Variants in BMPR2 observed in about 807,000 individuals in gnomAD.
The protein encoded by BMPR2 is bone morphogenetic protein receptor type 2, also known as bone morphogenetic protein receptor type-2.
In BMPR2, 29 loss-of-function variants were observed where a neutral mutation model predicts 100.8. That is an observed-to-expected ratio of 0.29 (90% CI 0.21 to 0.39). The LOEUF is 0.39. BMPR2 is among the 10% of genes least tolerant of loss of function. BMPR2 has a pLI of 1.00. For missense variants in BMPR2, 1,011 were observed against 1,274.5 expected (o/e 0.79, Z 3.15); for synonymous variants, 382 against 442.3 (o/e 0.86, Z 1.71).
chr2:202,470,926 G>T (rs1344694632), intron 3 of BMPR2, among the ~76,000 whole-genome samples: 1 of 152,106 alleles, frequency 6.6e-6, no homozygotes, highest in Non-Finnish European at 1.5e-5. Context: ...GCCAGGTGTG[G>T]CACACGCCTG....
At chr2:202,450,457 C>G (rs183628891) in intron 1 of BMPR2, among the ~76,000 whole-genome samples, 6 of 151,902 alleles carry the variant, frequency 3.9e-5, no homozygotes, top group Non-Finnish European at 8.8e-5. Flanking sequence ...TTTGGGAGGC[C>G]GAGGCAGGTG....
At chr2:202,382,435 C>A (rs528457399) in intron 1 of BMPR2, among the ~76,000 whole-genome samples, 37 of 152,248 alleles carry the variant, frequency 2.4e-4, no homozygotes, top group African/African-American at 7.2e-4. Context: ...AGCTGATCCA[C>A]CCACCTTGGC....
chr2:202,475,935 G>A (rs992397574), intron 3 of BMPR2, among the ~76,000 whole-genome samples: 8 of 151,982 alleles, frequency 5.3e-5, no homozygotes, highest in Admixed American at 2.6e-4. Flanking sequence ...TTAGCCGGGC[G>A]TGGTGGCACA....
intron 1 of BMPR2, among the ~76,000 whole-genome samples, chr2:202,394,531 A>G (rs2105905810): frequency 6.6e-6 from 1 of 152,266 alleles, no homozygotes; most frequent in Non-Finnish European, 1.5e-5. Context: ...AGTGAAATGC[A>G]GTGTTTTTAC....
chr2:202,476,030 C>T (rs904530831), intron 3 of BMPR2, among the ~76,000 whole-genome samples: 4 of 140,834 alleles, frequency 2.8e-5, no homozygotes, highest in Admixed American at 2.3e-4. Flanking sequence ...GCCAAGATTG[C>T]AGCATTGCAC....
intron 1 of BMPR2, among the ~76,000 whole-genome samples, chr2:202,421,236 G>A (rs545633633): frequency 5.1e-4 from 77 of 149,858 alleles, no homozygotes; most frequent in South Asian, 6.3e-4. Flanking sequence ...GGGCGACAGA[G>A]TGAGACTTCA....
At chr2:202,477,166 G>T (rs569986470) in intron 3 of BMPR2, among the ~76,000 whole-genome samples, 67 of 152,266 alleles carry the variant, frequency 4.4e-4, no homozygotes, top group African/African-American at 1.5e-3. Flanking sequence ...TCCAATTTAT[G>T]TGGGTGTTTA....
At chr2:202,542,942 C>T (rs1208203830) in intron 10 of BMPR2, among the ~76,000 whole-genome samples, 3 of 151,652 alleles carry the variant, frequency 2.0e-5, no homozygotes, top group Non-Finnish European at 4.4e-5. Context: ...TTTGGGAGGC[C>T]GAGGCGGGCA....
chr2:202,409,776 A>G (rs1035945819), intron 1 of BMPR2, among the ~76,000 whole-genome samples: 2 of 152,226 alleles, frequency 1.3e-5, no homozygotes, highest in Admixed American at 1.3e-4. Flanking sequence ...AAAAAGAATT[A>G]TATGCAAATA....
intron 8 of BMPR2, 77 bp downstream of exon 8, chr2:202,531,031 G>A (rs1688014862): frequency 6.4e-7 from 1 of 1,553,690 alleles, no homozygotes; most frequent in Non-Finnish European, 8.8e-7. Flanking sequence ...GGCCAGGTGT[G>A]GTGGCTCACG....
intron 11 of BMPR2, among the ~76,000 whole-genome samples, chr2:202,553,509 A>G (rs2106042942): frequency 6.6e-6 from 1 of 152,234 alleles, no homozygotes; most frequent in East Asian, 1.9e-4. Context: ...AACTTTCTAC[A>G]TCTGTATTTC....
chr2:202,532,057 G>A lies in BMPR2; in HGVS notation c.1129-528G>A, dbSNP rs557200373. Among the ~76,000 whole-genome samples, 3 of 141,166 alleles carry A rather than the reference G, an allele frequency of 2.1e-5. No individual in the cohort carries two copies. Among genetic ancestry groups the A allele is most frequent in the Non-Finnish European group, 3.0e-5 (2 of 66,156 alleles). 92.6% of individuals were successfully genotyped at this position (141,166 alleles called of 152,430 possible). On this transcript the variant is annotated intron_variant, in intron 8 of 12. Coordinates refer to ENST00000374580, the MANE Select transcript of BMPR2 (RefSeq NM_001204.7). This position sits in a 1 kb window ranked among gnomAD's most constrained non-coding sequence, Gnocchi z 4.1. ...CGGGTTCACGCTATTTTCCTGCCTC[G>A]GCCTCCTGAGTAGCTGGGACTACAG... is the stretch of plus-strand genomic sequence containing the variant.
At chr2:202,515,070 A>G (rs1312717756) in intron 5 of BMPR2, 91 bp downstream of exon 5, 1 of 1,290,910 alleles carries the variant, frequency 7.7e-7, no homozygotes, top group African/African-American at 1.5e-5. Flanking sequence ...ACATTCATTC[A>G]TTTATTTAAC....
intron 1 of BMPR2, among the ~76,000 whole-genome samples, chr2:202,381,770 C>T (rs1238486301): frequency 6.6e-6 from 1 of 152,070 alleles, no homozygotes; most frequent in Non-Finnish European, 1.5e-5. Flanking sequence ...TCTACAAAAG[C>T]TATTCTGGCA....
Position 202,560,041 on chromosome 2 carries a change from G to C in BMPR2, c.*95G>C. 6.7e-7 allele frequency: 1 copy of C among 1,497,028 alleles called. No individual in the cohort carries two copies. The highest frequency in any genetic ancestry group is 9.1e-7 in the Non-Finnish European group (1 of 1,096,568). 92.7% of individuals were successfully genotyped at this position (1,497,028 alleles called of 1,614,324 possible). On this transcript the variant is annotated 3_prime_UTR_variant, in exon 13 of 13. Coordinates refer to ENST00000374580, the MANE Select transcript of BMPR2 (RefSeq NM_001204.7). ...AAAAAAAAAACTGCTTTATCCTCCT[G>C]TCAGCACCCCCTCCCACCCCTGCAA...
At chr2:202,411,313 T>C (rs1691009255) in intron 1 of BMPR2, among the ~76,000 whole-genome samples, 1 of 152,160 alleles carries the variant, frequency 6.6e-6, no homozygotes, top group African/African-American at 2.4e-5. Flanking sequence ...AATTCATGAA[T>C]CAGGCAGCAT....
intron 3 of BMPR2, among the ~76,000 whole-genome samples, chr2:202,468,346 G>A (rs948175748): frequency 6.6e-6 from 1 of 152,122 alleles, no homozygotes; most frequent in African/African-American, 2.4e-5. Flanking sequence ...AGGCGTGGTG[G>A]TGCGCATGTG....
In BMPR2 at chr2:202,451,749, G is replaced by T. The variant is rs377324239; in HGVS notation, c.77-13060G>T. 3.5e-4 allele frequency among the ~76,000 whole-genome samples: 53 copies of T among 151,894 alleles called. No individual in the cohort carries two copies. The South Asian group carries it at 8.6e-3, about 25-fold the overall frequency. ...TTGATGAGTTTTTGTTTTGTTTTTT[G>T]TTGTTGTTGTTGTTTTTGAGACAGA... is the stretch of plus-strand genomic sequence containing the variant. On this transcript the variant is annotated intron_variant, in intron 1 of 12. Coordinates refer to ENST00000374580, the MANE Select transcript of BMPR2 (RefSeq NM_001204.7).
intron 12 of BMPR2, among the ~76,000 whole-genome samples, chr2:202,558,446 A>C (rs984548450): frequency 6.6e-6 from 1 of 152,120 alleles, no homozygotes; most frequent in Non-Finnish European, 1.5e-5. Flanking sequence ...TTATGAAAAA[A>C]AGTTATGTTT....
Sources: gnomAD v4.1 joint callset for allele counts (sites outside exome capture counted in the v4.1 genomes callset) on GRCh38, gnomAD v4.1.1 for gene constraint, Gnocchi (gnomAD v3.1) non-coding constraint, MANE v1.5 for transcripts, NCBI Gene and HGNC (gene_info 2026-07-23, HGNC 2026-07-21) for gene names.